The following GRID2 variants were observed in gnomAD, a reference collection of about 807,000 sequenced individuals.
GRID2 encodes the protein glutamate receptor ionotropic, delta-2.
Under a neutral mutation model 114.8 loss-of-function variants are expected in GRID2, and 33 were observed. That is an observed-to-expected ratio of 0.29 (90% CI 0.22 to 0.38). The LOEUF (loss-of-function observed/expected upper bound fraction) is 0.38. GRID2 is among the 10% of genes least tolerant of loss of function. The pLI, the probability that GRID2 is intolerant of heterozygous loss-of-function variation, is 1.00. For missense variants in GRID2, 1,184 were observed against 1,257.7 expected (o/e 0.94, Z 0.89); for synonymous variants, 505 against 449.9 (o/e 1.12, Z -1.55).
intron 2 of GRID2, among the ~76,000 whole-genome samples, chr4:92,653,151 C>T (rs1022761888): frequency 1.3e-5 from 2 of 150,420 alleles, no homozygotes; most frequent in African/African-American, 2.4e-5. Context: ...GCACTTGCCA[C>T]CACACCCGGC....
chr4:93,380,722 C>T (rs1428358035), intron 8 of GRID2, among the ~76,000 whole-genome samples: 1 of 151,978 alleles, frequency 6.6e-6, no homozygotes, highest in Non-Finnish European at 1.5e-5. Flanking sequence ...GAGGCAAAGG[C>T]TACCATTGAC....
chr4:92,654,510 A>T (rs1732128965), intron 2 of GRID2, among the ~76,000 whole-genome samples: 1 of 152,034 alleles, frequency 6.6e-6, no homozygotes, highest in Non-Finnish European at 1.5e-5. Context: ...TATGTAGAGG[A>T]GCAGTTTGAG....
At chr4:93,488,416 G>T (rs1726623976) in intron 11 of GRID2, among the ~76,000 whole-genome samples, 1 of 151,764 alleles carries the variant, frequency 6.6e-6, no homozygotes, top group Admixed American at 6.6e-5. Flanking sequence ...TAACCAAAGG[G>T]TGTACTTACC....
intron 14 of GRID2, among the ~76,000 whole-genome samples, chr4:93,768,118 T>G (rs2110331531): frequency 6.6e-6 from 1 of 152,222 alleles, no homozygotes; most frequent in East Asian, 1.9e-4. Flanking sequence ...TCATCTGAGC[T>G]CTGTCCACAC....
chr4:92,789,828 T>G (rs1739494408), intron 2 of GRID2, among the ~76,000 whole-genome samples: 1 of 151,962 alleles, frequency 6.6e-6, no homozygotes, highest in Admixed American at 6.6e-5. Flanking sequence ...TTTTCAGTTT[T>G]ATACTGTGTG....
chr4:93,246,082 A>G (rs1475749628), intron 8 of GRID2, among the ~76,000 whole-genome samples: 2 of 152,174 alleles, frequency 1.3e-5, no homozygotes, highest in African/African-American at 2.4e-5. Context: ...CCAAAATTCT[A>G]CAAGTCTGTT....
At chr4:93,304,257 AATATAT>A (rs10557964) in intron 8 of GRID2, among the ~76,000 whole-genome samples, 7,890 of 142,932 alleles carry the variant, frequency 0.055, 703 homozygotes, top group African/African-American at 0.19. Context: ...TAATATTTTA[AATATAT>A]ATATATATAT....
At chr4:93,723,198 A>G (rs1214230877) in intron 14 of GRID2, among the ~76,000 whole-genome samples, 1 of 152,228 alleles carries the variant, frequency 6.6e-6, no homozygotes, top group Admixed American at 6.5e-5. Context: ...CATTCATCCT[A>G]TGCTATTACG....
intron 8 of GRID2, among the ~76,000 whole-genome samples, chr4:93,304,391 G>A (rs1220186680): frequency 6.6e-6 from 1 of 151,574 alleles, no homozygotes; most frequent in African/African-American, 2.4e-5. Flanking sequence ...AAACAGACAA[G>A]ACAACACCAC....
intron 8 of GRID2, among the ~76,000 whole-genome samples, chr4:93,247,370 C>G (rs1483423863): frequency 6.6e-6 from 1 of 151,986 alleles, no homozygotes; most frequent in Non-Finnish European, 1.5e-5. Context: ...ATTACCTCAC[C>G]CATACGGATA....
At position 92,688,104 on chromosome 4, in the gene GRID2, C is replaced by T. The variant is rs564741802; in HGVS notation, c.244+97818C>T. Among the ~76,000 whole-genome samples the T allele has an allele frequency of 1.0e-3, 128 of 127,852 alleles. 1 individual carries two copies. Among genetic ancestry groups the T allele is most frequent in the Non-Finnish European group, 1.4e-3 (86 of 63,592 alleles). The allele number at this position is 127,852 out of a possible 152,430, so 83.9% of individuals were successfully genotyped here. A position where few individuals can be genotyped will look rare whatever the true frequency, so the allele number is the denominator to read the frequency against. ...CGCTCTCGTTGCCCAGGCTGGAGCA[C>T]AGTGGTGCCATGTTGGCTCACTGCA... is the stretch of plus-strand genomic sequence containing the variant. On this transcript the variant is annotated intron_variant, in intron 2 of 15. Transcript: ENST00000282020.
intron 10 of GRID2, among the ~76,000 whole-genome samples, chr4:93,440,118 G>GA (rs1721487295): frequency 6.6e-6 from 1 of 152,052 alleles, no homozygotes; most frequent in Non-Finnish European, 1.5e-5. Context: ...TGTGAATGAA[G>GA]AAGGGTTCTC....
chr4:93,213,074 G>C (rs545486729), intron 5 of GRID2, among the ~76,000 whole-genome samples: 54 of 152,170 alleles, frequency 3.5e-4, no homozygotes, highest in African/African-American at 1.2e-3. Flanking sequence ...TGCCTGGCCA[G>C]TTTGGGGGGT....
chr4:92,485,338 A>G (rs1163557973), intron 1 of GRID2, among the ~76,000 whole-genome samples: 9 of 91,030 alleles, frequency 9.9e-5, no homozygotes, highest in African/African-American at 2.8e-4. Flanking sequence ...ATATATATAT[A>G]TATATATATA....
intron 4 of GRID2, among the ~76,000 whole-genome samples, chr4:93,159,397 T>G (rs1428059884): frequency 1.3e-5 from 2 of 151,820 alleles, no homozygotes; most frequent in Non-Finnish European, 2.9e-5. Flanking sequence ...TTATTGAGTG[T>G]TTTTGAGTCA....
chr4:93,032,386 G>C (rs1337572849), intron 2 of GRID2, among the ~76,000 whole-genome samples: 1 of 152,012 alleles, frequency 6.6e-6, no homozygotes, highest in Admixed American at 6.6e-5. Context: ...TTAATGTGAG[G>C]TTCCTTTTCT....
At chr4:93,495,154 T>A (rs907209199) in intron 12 of GRID2, among the ~76,000 whole-genome samples, 3 of 151,758 alleles carry the variant, frequency 2.0e-5, no homozygotes, top group Admixed American at 6.6e-5. Context: ...AGTGCTTTCA[T>A]TCTCCATAAT....
chr4:93,476,905 T>C (rs1725373229), intron 11 of GRID2, among the ~76,000 whole-genome samples: 1 of 152,164 alleles, frequency 6.6e-6, no homozygotes, highest in African/African-American at 2.4e-5. Context: ...AATAAACAAA[T>C]ACATTTTTGT....
intron 8 of GRID2, among the ~76,000 whole-genome samples, chr4:93,259,869 A>C (rs1750059815): frequency 6.6e-6 from 1 of 151,886 alleles, no homozygotes; most frequent in African/African-American, 2.4e-5. Context: ...GGCATGTGTT[A>C]AAAATATGTA....
Sources: gnomAD v4.1 joint callset for allele counts (sites outside exome capture counted in the v4.1 genomes callset) on GRCh38, gnomAD v4.1.1 for gene constraint, MANE v1.5 for transcripts, NCBI Gene and HGNC (gene_info 2026-07-23, HGNC 2026-07-21) for gene names.